The following THEMIS variants were observed in gnomAD, a reference collection of about 807,000 sequenced individuals.
THEMIS encodes the protein protein THEMIS.
In THEMIS, 37 loss-of-function variants were observed where a neutral mutation model predicts 52.6. The observed-to-expected ratio is 0.70, with a 90% confidence interval of 0.54 to 0.93. The LOEUF is 0.93. Ranked by LOEUF, THEMIS falls within the 40% of genes least tolerant of loss-of-function variation. THEMIS has a pLI of 0.00. For missense variants in THEMIS, 808 were observed against 763.1 expected (o/e 1.06, Z -0.69); for synonymous variants, 292 against 272.7 (o/e 1.07, Z -0.70).
chr6:127,799,059 G>C (rs1482494823), intron 4 of THEMIS, among the ~76,000 whole-genome samples: 1 of 151,712 alleles, frequency 6.6e-6, no homozygotes, highest in Admixed American at 6.6e-5. Flanking sequence ...GTATTTGCAG[G>C]CTGCAAAAAT....
intron 5 of THEMIS, among the ~76,000 whole-genome samples, chr6:127,719,429 A>G (rs1455755349): frequency 6.6e-6 from 1 of 151,996 alleles, no homozygotes; most frequent in African/African-American, 2.4e-5. Flanking sequence ...TAATCTTGAA[A>G]TATTTCATTG....
chr6:127,714,025 GAAAAA>G (rs967947287), intron 5 of THEMIS, among the ~76,000 whole-genome samples: 2 of 150,192 alleles, frequency 1.3e-5, no homozygotes, highest in South Asian at 2.1e-4. Context: ...AGTAGCCATG[GAAAAA>G]AAAATGGGCA....
At chr6:127,903,737 G>GA (rs752486359), upstream of THEMIS, among the ~76,000 whole-genome samples, 2,953 of 134,624 alleles carry the variant, frequency 0.022, 44 homozygotes, top group South Asian at 0.036. Context: ...GAACAAAATA[G>GA]AAAAAAAAAA....
At chr6:127,728,439 G>C (rs1203272154) in intron 4 of THEMIS, among the ~76,000 whole-genome samples, 2 of 152,120 alleles carry the variant, frequency 1.3e-5, no homozygotes, top group Non-Finnish European at 2.9e-5. Context: ...TACTATTTCT[G>C]CTTTTTAGTT....
At chr6:127,906,306 A>G (rs1194763688) in intron 1 of THEMIS, among the ~76,000 whole-genome samples, 1 of 151,884 alleles carries the variant, frequency 6.6e-6, no homozygotes, top group Non-Finnish European at 1.5e-5. Flanking sequence ...TGAAAGGGTG[A>G]CCAATTCTTA....
At chr6:127,743,545 G>A (rs1775279629) in intron 4 of THEMIS, among the ~76,000 whole-genome samples, 1 of 152,096 alleles carries the variant, frequency 6.6e-6, no homozygotes, top group East Asian at 1.9e-4. Flanking sequence ...GGAGTATAAA[G>A]GGTTTCTTAG....
intron 1 of THEMIS, among the ~76,000 whole-genome samples, chr6:127,865,545 C>T (rs754158228): frequency 6.6e-6 from 1 of 152,110 alleles, no homozygotes; most frequent in African/African-American, 2.4e-5. Flanking sequence ...TATTGTCTAG[C>T]AGACATTTTG....
chr6:127,705,942 G>A (rs1480242013), downstream of THEMIS, among the ~76,000 whole-genome samples: 1 of 152,094 alleles, frequency 6.6e-6, no homozygotes, highest in Non-Finnish European at 1.5e-5. Context: ...ATGAAACCAT[G>A]TATTTATCTA....
intron 1 of THEMIS, chr6:127,868,428 A>T: frequency 1.0e-6 from 1 of 985,320 alleles, no homozygotes; most frequent in Non-Finnish European, 1.2e-6. Flanking sequence ...AATGGAGAAG[A>T]TGGACTTAGA....
chr6:127,725,809 T>C (rs1774524896), intron 4 of THEMIS, among the ~76,000 whole-genome samples: 1 of 152,106 alleles, frequency 6.6e-6, no homozygotes, highest in South Asian at 2.1e-4. Flanking sequence ...AGACATGCTA[T>C]CTTTTGACCC....
At chr6:127,899,931 T>C (rs551257223) in intron 1 of THEMIS, among the ~76,000 whole-genome samples, 13 of 147,842 alleles carry the variant, frequency 8.8e-5, no homozygotes, top group Non-Finnish European at 1.8e-4. Context: ...ATATAATATA[T>C]ATAAAAACTG....
the THEMIS span, among the ~76,000 whole-genome samples, chr6:127,698,811 C>A: frequency 6.7e-6 from 1 of 149,966 alleles, no homozygotes; most frequent in Non-Finnish European, 1.5e-5. Context: ...TGTATTTCTT[C>A]ATTTTGTGAG....
chr6:127,881,948 G>T (rs1182254218), intron 1 of THEMIS, among the ~76,000 whole-genome samples: 51 of 148,920 alleles, frequency 3.4e-4, no homozygotes, highest in African/African-American at 1.2e-3. Flanking sequence ...TTCCTTGAAG[G>T]CATTCCAGTA....
intron 3 of THEMIS, among the ~76,000 whole-genome samples, chr6:127,826,826 G>C (rs1778522876): frequency 6.6e-6 from 1 of 152,230 alleles, no homozygotes; most frequent in Middle Eastern, 3.4e-3. Flanking sequence ...ATTTTCCAAA[G>C]AGGGATAATT....
At chr6:127,898,103 A>G (rs1271326854) in intron 1 of THEMIS, among the ~76,000 whole-genome samples, 1 of 151,726 alleles carries the variant, frequency 6.6e-6, no homozygotes, top group Non-Finnish European at 1.5e-5. Flanking sequence ...TGAGGGAGAT[A>G]GTATATAATG....
At chr6:127,884,328 C>T (rs1322171248) in intron 1 of THEMIS, among the ~76,000 whole-genome samples, 1 of 152,142 alleles carries the variant, frequency 6.6e-6, no homozygotes, top group African/African-American at 2.4e-5. Flanking sequence ...ATAATGTCAG[C>T]CCTGACAACT....
At chr6:127,893,790 G>C (rs1249590006) in intron 1 of THEMIS, among the ~76,000 whole-genome samples, 1 of 152,030 alleles carries the variant, frequency 6.6e-6, no homozygotes, top group Non-Finnish European at 1.5e-5. Context: ...AGGACGGGTG[G>C]AATCTGGCTC....
At chr6:127,823,445 C>A (rs1337100455) in intron 3 of THEMIS, among the ~76,000 whole-genome samples, 2 of 151,962 alleles carry the variant, frequency 1.3e-5, no homozygotes, top group Non-Finnish European at 2.9e-5. Flanking sequence ...CCCCTTGTTA[C>A]CTAAAGAGGA....
rs556170790 is a variant in THEMIS, at chr6:127,784,343, C to T, written c.1758+28540G>A. Among the ~76,000 whole-genome samples the T allele has an allele frequency of 3.9e-5, 6 of 152,130 alleles. No homozygotes were observed. In the South Asian group the frequency reaches 1.0e-3, roughly 26 times the overall value. On this transcript the variant is annotated intron_variant, in intron 4 of 5. Transcript: ENST00000368248. The stretch of plus-strand genomic sequence containing the variant: ...GACACATGTATACCTATGTAACAAA[C>T]CTGCATGTTTTGCAGATGTATCCCA...
Sources: gnomAD v4.1 joint callset for allele counts (sites outside exome capture counted in the v4.1 genomes callset) on GRCh38, gnomAD v4.1.1 for gene constraint, MANE v1.5 for transcripts, NCBI Gene and HGNC (gene_info 2026-07-23, HGNC 2026-07-21) for gene names.